Variants in RANBP2 observed in about 807,000 individuals in gnomAD.
RANBP2 encodes the protein E3 SUMO-protein ligase RanBP2.
Under a neutral mutation model 303.6 loss-of-function variants are expected in RANBP2, and 57 were observed. The ratio of observed to expected loss-of-function variants is 0.19; its 90% CI spans 0.15 to 0.23. The LOEUF is 0.23. Among genes scored for constraint, RANBP2 ranks in the 10% least tolerant of loss-of-function variants. RANBP2 has a pLI of 1.00. For synonymous variants in RANBP2, 1,167 were observed against 1,301.5 expected (o/e 0.90, Z 2.23); for missense variants, 3,138 against 3,780.8 (o/e 0.83, Z 4.46).
chr2:108,965,297 G>A, the RANBP2 span, among the ~76,000 whole-genome samples: 1 of 152,056 alleles, frequency 6.6e-6, no homozygotes, highest in African/African-American at 2.4e-5. Context: ...CTAACATGGT[G>A]AAACCCCATC....
At chr2:109,037,917 C>A in the RANBP2 span, among the ~76,000 whole-genome samples, 1 of 152,180 alleles carries the variant, frequency 6.6e-6, no homozygotes, top group Non-Finnish European at 1.5e-5. Flanking sequence ...CTCTTAAAAT[C>A]CCAGCAAGGT....
chr2:108,895,594 T>G, the RANBP2 span: 11 of 152,368 alleles, frequency 7.2e-5, no homozygotes, highest in African/African-American at 2.2e-4. Flanking sequence ...CTGTGTTGAC[T>G]TCCATAGAGC....
At chr2:108,835,392 A>G in the RANBP2 span, among the ~76,000 whole-genome samples, 1 of 152,244 alleles carries the variant, frequency 6.6e-6, no homozygotes, top group Non-Finnish European at 1.5e-5. Context: ...TGTTAGGGCC[A>G]GTAAGGATAT....
At chr2:109,629,343 ATATATATATATATTTTTTT>A in the RANBP2 span, among the ~76,000 whole-genome samples, 11 of 7,066 alleles carry the variant, frequency 1.6e-3, no homozygotes, top group African/African-American at 5.9e-3. Context: ...ATATATATAT[ATATATATATATATTTTTTT>A]TTTTTTTTTC....
the RANBP2 span, among the ~76,000 whole-genome samples, chr2:109,432,131 C>T: frequency 5.9e-5 from 9 of 152,192 alleles, no homozygotes; most frequent in Non-Finnish European, 8.8e-5. Flanking sequence ...AAGAGGAAAA[C>T]ACTGGAAATC....
At chr2:108,886,564 G>A in the RANBP2 span, among the ~76,000 whole-genome samples, 60 of 152,106 alleles carry the variant, frequency 3.9e-4, no homozygotes, top group African/African-American at 1.2e-3. Context: ...ACAGGCGCCC[G>A]CCACCATGCC....
At chr2:109,228,223 C>T in the RANBP2 span, among the ~76,000 whole-genome samples, 1 of 152,130 alleles carries the variant, frequency 6.6e-6, no homozygotes, top group Non-Finnish European at 1.5e-5. Context: ...CCTCCTAGTC[C>T]CCAGGAATGT....
At chr2:108,888,890 T>C in the RANBP2 span, among the ~76,000 whole-genome samples, 1 of 152,002 alleles carries the variant, frequency 6.6e-6, no homozygotes, top group African/African-American at 2.4e-5. Context: ...GTATATTGTT[T>C]GATTGTTACT....
the RANBP2 span, among the ~76,000 whole-genome samples, chr2:109,343,667 T>C: frequency 2.8e-4 from 42 of 151,920 alleles, no homozygotes; most frequent in South Asian, 8.4e-4. Flanking sequence ...AGCAGGTGGG[T>C]TACCACCTGT....
chr2:108,829,352 A>G, the RANBP2 span, among the ~76,000 whole-genome samples: 5 of 152,234 alleles, frequency 3.3e-5, no homozygotes, highest in Non-Finnish European at 7.3e-5. Flanking sequence ...TTCTCCAAAG[A>G]TAAAGAAATG....
At chr2:109,744,450 A>G in the RANBP2 span, among the ~76,000 whole-genome samples, 4 of 85,556 alleles carry the variant, frequency 4.7e-5, 1 homozygote, top group Non-Finnish European at 9.1e-5. Context: ...TTGCTTGTTG[A>G]TTTGTTTACA....
chr2:109,107,862 A>G, the RANBP2 span, among the ~76,000 whole-genome samples: 1 of 151,972 alleles, frequency 6.6e-6, no homozygotes, highest in African/African-American at 2.4e-5. Flanking sequence ...CAGCCTCCTG[A>G]GTAGCTGGGA....
the RANBP2 span, among the ~76,000 whole-genome samples, chr2:109,538,782 G>A: frequency 6.6e-6 from 1 of 152,160 alleles, no homozygotes; most frequent in African/African-American, 2.4e-5. Context: ...GATTCCCAAA[G>A]TGCTGGAATT....
chr2:108,812,840 A>T, the RANBP2 span: 2 of 1,613,284 alleles, frequency 1.2e-6, no homozygotes, highest in Non-Finnish European at 1.7e-6. Context: ...AGTTTATGAC[A>T]ATACAGAGAT....
the RANBP2 span, among the ~76,000 whole-genome samples, chr2:109,288,292 C>G: frequency 6.6e-6 from 1 of 152,190 alleles, no homozygotes; most frequent in Non-Finnish European, 1.5e-5. Flanking sequence ...TTGCATAACT[C>G]CTTTCAGAGT....
the RANBP2 span, among the ~76,000 whole-genome samples, chr2:109,087,105 A>G: frequency 6.6e-6 from 1 of 152,102 alleles, no homozygotes. Context: ...AAAACCGCAA[A>G]TTGTCCCTGG....
At chr2:108,833,545 A>C in the RANBP2 span, among the ~76,000 whole-genome samples, 1 of 152,220 alleles carries the variant, frequency 6.6e-6, no homozygotes, top group African/African-American at 2.4e-5. Flanking sequence ...AAGCTATGGG[A>C]ATGTTTATAG....
the RANBP2 span, among the ~76,000 whole-genome samples, chr2:109,203,081 C>T: frequency 5.9e-5 from 9 of 152,156 alleles, no homozygotes; most frequent in South Asian, 1.0e-3. Context: ...GAAGCTCCGT[C>T]GAGCCTGGAA....
the RANBP2 span, among the ~76,000 whole-genome samples, chr2:109,451,768 G>A: frequency 2.0e-5 from 3 of 152,250 alleles, no homozygotes; most frequent in African/African-American, 7.2e-5. Flanking sequence ...ATGCAGGGAC[G>A]CCCTGCCATG....
Sources: gnomAD v4.1 joint callset for allele counts (sites outside exome capture counted in the v4.1 genomes callset) on GRCh38, gnomAD v4.1.1 for gene constraint, MANE v1.5 for transcripts, NCBI Gene and HGNC (gene_info 2026-07-23, HGNC 2026-07-21) for gene names.